Variants in VPS51 observed in about 807,000 individuals in gnomAD.
The protein encoded by VPS51 is VPS51 subunit of GARP complex.
A neutral mutation model predicts 65.1 loss-of-function variants in VPS51; 55 were observed. The ratio of observed to expected loss-of-function variants is 0.84; its 90% CI spans 0.68 to 1.06. VPS51 has a LOEUF of 1.06. VPS51 is among the 50% of genes least tolerant of loss of function. The pLI, the probability that VPS51 is intolerant of heterozygous loss-of-function variation, is 0.00. For synonymous variants in VPS51, 473 were observed against 489.5 expected (o/e 0.97, Z 0.44); for missense variants, 943 against 1,101.6 (o/e 0.86, Z 2.04).
chr11:65,105,165 C>T lies in VPS51; in HGVS notation c.359-2416C>T, dbSNP rs139400809. On this transcript the variant is annotated intron_variant, in intron 2 of 9. Transcript: ENST00000279281. The stretch of plus-strand genomic sequence containing the variant: ...CTGTAATCCCAGCACTTTGGGAGGC[C>T]GAGGCGGGTGGATCACTTGAGGTCA... Among the ~76,000 whole-genome samples, 628 of 151,992 alleles carry T rather than the reference C, an allele frequency of 4.1e-3. 1 individual carries two copies. Among genetic ancestry groups the T allele is most frequent in the African/African-American group, 0.014 (563 of 41,450 alleles).
intron 2 of VPS51, among the ~76,000 whole-genome samples, chr11:65,106,958 C>T (rs1279883515): frequency 6.6e-6 from 1 of 151,868 alleles, no homozygotes; most frequent in Non-Finnish European, 1.5e-5. Flanking sequence ...TCCTAGAAGC[C>T]GGGGTTTTGA....
rs1198925448 is a variant in VPS51 at position 65,110,925 on chromosome 11, T to C, written c.2088+144T>C. ...TCCAGTCTCTGTCTCTAGGGCTGTT[T>C]TTAGGTAGTACAGAGTGCCCTGCCT... On this transcript the variant is annotated intron_variant, in intron 9 of 9. Transcript: ENST00000279281. 3.1e-6 allele frequency: 3 copies of C among 977,118 alleles called. No homozygotes were observed. In the African/African-American group the frequency reaches 4.9e-5, roughly 16 times the overall value. The allele number at this position is 977,118 out of a possible 1,614,324, so 60.5% of individuals were successfully genotyped here. A position where few individuals can be genotyped will look rare whatever the true frequency, so the allele number is the denominator to read the frequency against.
chr11:65,110,573 A>G lies in VPS51; in HGVS notation c.1970A>G (p.Gln657Arg). 1.9e-6 allele frequency: 3 copies of G among 1,614,026 alleles called. No homozygotes were observed. Among genetic ancestry groups the G allele is most frequent in the Non-Finnish European group, 2.5e-6 (3 of 1,180,022 alleles). Residue 657 changes from glutamine (Q) to arginine (R), a missense_variant, in exon 8 of 10, where the codon CAG (glutamine) becomes CGG (arginine). Physicochemically the swap from Gln to Arg is conservative, Grantham distance 43 (BLOSUM62 1). Transcript: ENST00000279281. ...TFSVYSSSRQ[Q>R]GRYAPSYTPS... is the part of the protein sequence containing the mutation. Reference sequence around the variant, plus strand: ...TCCGTGTACAGCAGCTCTCGGCAGCAGGGCCGCTACGCCCCCAGCTATACC... The same window carrying G: ...TCCGTGTACAGCAGCTCTCGGCAGCGGGGCCGCTACGCCCCCAGCTATACC...
Position 65,109,363 on chromosome 11 carries a change from C to T in VPS51, c.1527C>T (p.Cys509=), listed in dbSNP as rs200471797. 105 of 1,613,318 alleles carry T rather than the reference C, an allele frequency of 6.5e-5. 1 individual carries two copies. The East Asian group carries it at 1.7e-3, about 26-fold the overall frequency. The change falls in exon 6 of 10, where the codon TGC becomes TGT. Residue 509 remains cysteine (C), a synonymous_variant. Coordinates refer to ENST00000279281, the MANE Select transcript of VPS51 (RefSeq NM_013265.4). ...TGTGCCAGACGGCTCAGAGCTTCTG[C>T]GACAGCCCTGGGGAGAAGGGGGGTG... The part of the protein sequence containing the change: ...HSMCQTAQSF[C]DSPGEKGGAT...
At position 65,107,919 on chromosome 11, in the gene VPS51, G is replaced by A. The variant is rs781632162; in HGVS notation, c.622G>A (p.Ala208Thr). The change falls in exon 4 of 10, where the codon GCC (alanine) becomes ACC (threonine). Residue 208 changes from alanine (A) to threonine (T), a missense_variant. Physicochemically the swap from Ala to Thr is moderately conservative, Grantham distance 58 (BLOSUM62 0). This residue lies in a region of VPS51 where 855 missense variants were observed against 953.7 expected (regional missense o/e 0.90). Coordinates refer to ENST00000279281, the MANE Select transcript of VPS51 (RefSeq NM_013265.4). The surrounding 1 kb of genome is among the most constrained non-coding windows in gnomAD (Gnocchi z 4.0). ...QAVRYQGRAQ[A>T]VLQQYQHLPS... ...GGTGCGCTACCAGGGCCGCGCGCAG[G>A]CCGTGCTGCAGCAGTACCAACACCT... 68 of 1,557,424 alleles carry A rather than the reference G, an allele frequency of 4.4e-5. No individual in the cohort carries two copies. The highest frequency in any genetic ancestry group is 5.8e-5 in the Non-Finnish European group (67 of 1,153,046).
chr11:65,109,131 T>C, intron 5 of VPS51, 149 bp from the exon 6 acceptor site: 1 of 1,058,026 alleles, frequency 9.5e-7, no homozygotes, highest in Non-Finnish European at 1.3e-6. Flanking sequence ...CTGCCCCCAC[T>C]CAGGGAAGCT....
chr11:65,110,837 G>C lies in VPS51; in HGVS notation c.2088+56G>C, dbSNP rs752013794. On this transcript the variant is annotated intron_variant, in intron 9 of 9. Transcript: ENST00000279281. ...GGGATCCCGGGGAGGGTTGGCTGGA[G>C]CAGCCCCACACCTGCCCAAGGAGCC... The C allele has an allele frequency of 1.9e-6, 3 of 1,602,910 alleles. No individual in the cohort carries two copies. In the South Asian group the frequency reaches 3.3e-5, roughly 18 times the overall value.
In VPS51 at chr11:65,108,875, C is replaced by A. The variant is rs373780734; in HGVS notation, c.1404C>A (p.Thr468=). 6 of 1,613,040 alleles carry A rather than the reference C, an allele frequency of 3.7e-6. No homozygotes were observed. In the South Asian group the frequency reaches 6.6e-5, roughly 18 times the overall value. Residue 468 remains threonine (T), a synonymous_variant, in exon 5 of 10, where the codon ACC becomes ACA. Transcript: ENST00000279281. ...KASLAAVHLF[T]AKEVSFSNKP... The stretch of plus-strand genomic sequence containing the variant: ...CTCTGGCAGCAGTGCACCTTTTCAC[C>A]GCCAAAGAGGTGTCCTTCTCCAACA...
chr11:65,108,070 C>A, intron 4 of VPS51, 48 bp downstream of exon 4: 1 of 1,490,876 alleles, frequency 6.7e-7, no homozygotes, highest in Non-Finnish European at 8.9e-7. Flanking sequence ...GCCCCGAGCC[C>A]CATCTGTGCC....
At chr11:65,106,903 A>G (rs1050287500) in intron 2 of VPS51, among the ~76,000 whole-genome samples, 1 of 152,168 alleles carries the variant, frequency 6.6e-6, no homozygotes, top group African/African-American at 2.4e-5. Context: ...GTCAGAGGAC[A>G]GTAGAGACAG....
Position 65,109,933 on chromosome 11 carries a change from A to C in VPS51, c.1878+10A>C, listed in dbSNP as rs1590813957. The C allele has an allele frequency of 6.3e-7, 1 of 1,584,750 alleles. No individual in the cohort carries two copies. Among genetic ancestry groups the C allele is most frequent in the East Asian group, 2.3e-5 (1 of 44,048 alleles). ...CGCCATCGACGTGCAGGTGCTGCCC[A>C]GGCTGGCCGGGGTAGCCCTGACGCA... On this transcript the variant is annotated intron_variant, in intron 7 of 9. Transcript: ENST00000279281.
chr11:65,111,345 A>C lies in VPS51; in HGVS notation c.2107A>C (p.Ile703Leu), dbSNP rs1156902049. 2 of 1,605,530 alleles carry C rather than the reference A, an allele frequency of 1.2e-6. No homozygotes were observed. The highest frequency in any genetic ancestry group is 3.3e-5 in the Admixed American group (2 of 59,996). Residue 703 changes from isoleucine (I) to leucine (L), a missense_variant, in exon 10 of 10, where the codon ATC (isoleucine) becomes CTC (leucine). Coordinates refer to ENST00000279281, the MANE Select transcript of VPS51 (RefSeq NM_013265.4). ...CCTGCAGGTGTCGGTGCTGACCGGC[A>C]TCATCAAGATCAGCCTGAAGACGCT... ...EFNKVSVLTGIIKISLKTLLE... is the reference protein window; with the variant it reads ...EFNKVSVLTGLIKISLKTLLE...
At chr11:65,105,635 T>A (rs1192752190) in intron 2 of VPS51, among the ~76,000 whole-genome samples, 1 of 152,128 alleles carries the variant, frequency 6.6e-6, no homozygotes, top group East Asian at 1.9e-4. Context: ...AGAGATAGCA[T>A]CAGATTCCAT....
Position 65,110,334 on chromosome 11 carries a change from C to T in VPS51, c.1879-148C>T. ...ACTCCACTGGTTCTATAAATAGCGA[C>T]CATGTACCTACTAAATAGCGGGCCC... On this transcript the variant is annotated intron_variant, in intron 7 of 9. Transcript: ENST00000279281. 2.2e-6 allele frequency: 3 copies of T among 1,365,978 alleles called. 1 individual carries two copies. In the South Asian group the frequency reaches 3.9e-5, roughly 18 times the overall value. The allele number at this position is 1,365,978 out of a possible 1,614,324, so 84.6% of individuals were successfully genotyped here.
chr11:65,096,925 C>G, intron 1 of VPS51, 73 bp from the exon 2 acceptor site: 1 of 1,590,308 alleles, frequency 6.3e-7, no homozygotes. Flanking sequence ...GCCCTGAAAG[C>G]CTATCAGCTG....
chr11:65,110,567 G>C lies in VPS51; in HGVS notation c.1964G>C (p.Arg655Pro), dbSNP rs1947888192. ...ACTTTCTCCGTGTACAGCAGCTCTC[G>C]GCAGCAGGGCCGCTACGCCCCCAGC... ...KRTFSVYSSS[R>P]QQGRYAPSYT... Residue 655 changes from arginine to proline, a missense_variant, in exon 8 of 10, where the codon CGG (arginine) becomes CCG (proline). Physicochemically the swap from Arg to Pro is moderately radical, Grantham distance 103. This residue lies in a region of VPS51 where 855 missense variants were observed against 953.7 expected (regional missense o/e 0.90). Transcript: ENST00000279281. 1 of 1,613,916 alleles carries C rather than the reference G, an allele frequency of 6.2e-7. No homozygotes were observed. Among genetic ancestry groups the C allele is most frequent in the Admixed American group, 1.7e-5 (1 of 60,006 alleles).
At chr11:65,110,141 G>A (rs1251034841) in intron 7 of VPS51, 6 of 631,100 alleles carry the variant, frequency 9.5e-6, no homozygotes, top group Non-Finnish European at 1.4e-5. Context: ...GCTGGGGAGT[G>A]CCTATGTCCA....
chr11:65,106,694 T>C (rs1279406268), intron 2 of VPS51, among the ~76,000 whole-genome samples: 1 of 146,698 alleles, frequency 6.8e-6, no homozygotes, highest in Admixed American at 6.9e-5. Context: ...GAGTTTGCAG[T>C]GAGCAGAGGT....
rs1242360053 is a variant in VPS51, at chr11:65,108,710, T to G, written c.1239T>G (p.Gly413=). 6.2e-7 allele frequency: 1 copy of G among 1,605,508 alleles called. No individual in the cohort carries two copies. The highest frequency in any genetic ancestry group is 8.5e-7 in the Non-Finnish European group (1 of 1,178,310). Residue 413 remains glycine (G), a synonymous_variant, in exon 5 of 10, where the codon GGT becomes GGG. Transcript: ENST00000279281. Reference sequence around the variant, plus strand: ...AGCGCCTGGGCCACCACCTGCAGGGTCTCCGGGCGGCCTTCCTGGGCTGCC... The same window carrying G: ...AGCGCCTGGGCCACCACCTGCAGGGGCTCCGGGCGGCCTTCCTGGGCTGCC... ...ARERLGHHLQ[G]LRAAFLGCLT...
Sources: gnomAD v4.1 joint callset for allele counts (sites outside exome capture counted in the v4.1 genomes callset) on GRCh38, gnomAD v4.1.1 for gene constraint, gnomAD v4.1.1 regional missense constraint, Gnocchi (gnomAD v3.1) non-coding constraint, MANE v1.5 for transcripts, NCBI Gene and HGNC (gene_info 2026-07-23, HGNC 2026-07-21) for gene names.